The following PTPRG variants were observed in gnomAD, a reference collection of about 807,000 sequenced individuals.
PTPRG encodes receptor-type tyrosine-protein phosphatase gamma.
Under a neutral mutation model 165.3 loss-of-function variants are expected in PTPRG, and 102 were observed. The ratio of observed to expected loss-of-function variants is 0.62; its 90% CI spans 0.53 to 0.73. PTPRG has a LOEUF of 0.73. PTPRG is among the 30% of genes least tolerant of loss of function. The pLI, the probability that PTPRG is intolerant of heterozygous loss-of-function variation, is 0.00. For missense variants in PTPRG, 1,866 were observed against 1,861.4 expected, an observed-to-expected ratio of 1.00 and a Z score of -0.05; for synonymous variants, 675 against 669.5, an observed-to-expected ratio of 1.01 and a Z score of -0.13.
intron 3 of PTPRG, among the ~76,000 whole-genome samples, chr3:62,000,719 G>A (rs1259700572): frequency 6.6e-6 from 1 of 152,184 alleles, no homozygotes; most frequent in Non-Finnish European, 1.5e-5. Flanking sequence ...GTGAGAAAGT[G>A]TTGCTTTAAA....
chr3:62,102,524 G>A (rs1022200485), intron 5 of PTPRG, among the ~76,000 whole-genome samples: 1 of 152,160 alleles, frequency 6.6e-6, no homozygotes, highest in African/African-American at 2.4e-5. Flanking sequence ...GCCCACCTAA[G>A]CCTCCCAAAG....
intron 2 of PTPRG, among the ~76,000 whole-genome samples, chr3:61,856,414 A>G (rs924907789): frequency 5.9e-5 from 9 of 152,210 alleles, no homozygotes; most frequent in Admixed American, 3.9e-4. Context: ...CTAGCATAAG[A>G]ACAAGCCAAA....
chr3:61,900,348 T>C (rs2038466331), intron 2 of PTPRG, among the ~76,000 whole-genome samples: 1 of 152,234 alleles, frequency 6.6e-6, no homozygotes, highest in African/African-American at 2.4e-5. Context: ...ACTTCTACCA[T>C]TGCTGCTGTG....
chr3:62,189,671 T>C (rs1004828347), intron 8 of PTPRG, among the ~76,000 whole-genome samples: 2 of 152,142 alleles, frequency 1.3e-5, no homozygotes, highest in African/African-American at 4.8e-5. Context: ...CAATTGGCCA[T>C]TGCCGCCCCT....
At chr3:62,095,233 C>A (rs115168420) in intron 5 of PTPRG, among the ~76,000 whole-genome samples, 1 of 152,174 alleles carries the variant, frequency 6.6e-6, no homozygotes, top group African/African-American at 2.4e-5. Context: ...GGGACTCTTA[C>A]GCCGTGATGC....
At chr3:62,037,072 A>G (rs537301469) in intron 4 of PTPRG, among the ~76,000 whole-genome samples, 37 of 152,254 alleles carry the variant, frequency 2.4e-4, no homozygotes, top group Middle Eastern at 3.4e-3. Flanking sequence ...CTTTGCTTGC[A>G]TTATCTAATC....
intron 1 of PTPRG, among the ~76,000 whole-genome samples, chr3:61,748,451 C>A (rs1456103672): frequency 6.6e-6 from 1 of 152,186 alleles, no homozygotes; most frequent in Non-Finnish European, 1.5e-5. Flanking sequence ...AGGTTGTAAA[C>A]TTATACATGC....
At chr3:62,283,999 A>G (rs1702547010) in intron 28 of PTPRG, among the ~76,000 whole-genome samples, 1 of 152,130 alleles carries the variant, frequency 6.6e-6, no homozygotes, top group Non-Finnish European at 1.5e-5. Context: ...ACAGCCTCAA[A>G]ATAACTGGGG....
intron 5 of PTPRG, among the ~76,000 whole-genome samples, chr3:62,106,138 G>A (rs895113932): frequency 1.1e-4 from 17 of 152,016 alleles, no homozygotes; most frequent in African/African-American, 4.1e-4. Context: ...TTTATCTATA[G>A]CAAAACTGAA....
chr3:61,956,957 T>C (rs2040047278), intron 2 of PTPRG, among the ~76,000 whole-genome samples: 1 of 152,230 alleles, frequency 6.6e-6, no homozygotes, highest in South Asian at 2.1e-4. Context: ...TCCATTGACT[T>C]GTTTAGGGTA....
intron 13 of PTPRG, among the ~76,000 whole-genome samples, chr3:62,220,684 T>G (rs1056294461): frequency 2.0e-5 from 3 of 152,106 alleles, no homozygotes; most frequent in African/African-American, 7.2e-5. Flanking sequence ...TGTCATCCCT[T>G]CTCCAGGAAA....
intron 5 of PTPRG, among the ~76,000 whole-genome samples, chr3:62,117,188 A>G (rs1702897991): frequency 6.6e-6 from 1 of 152,216 alleles, no homozygotes; most frequent in African/African-American, 2.4e-5. Flanking sequence ...ATTATGTTTA[A>G]GGAGGCAATG....
chr3:61,839,796 A>G (rs2036570530), intron 2 of PTPRG, among the ~76,000 whole-genome samples: 1 of 152,164 alleles, frequency 6.6e-6, no homozygotes, highest in Admixed American at 6.6e-5. Context: ...TTTCTGTACC[A>G]TACCTGCTTC....
intron 2 of PTPRG, among the ~76,000 whole-genome samples, chr3:61,976,483 C>T (rs890538100): frequency 6.6e-6 from 1 of 152,198 alleles, no homozygotes; most frequent in African/African-American, 2.4e-5. Flanking sequence ...GTCTAAATCA[C>T]AGCATCAGCT....
At chr3:61,885,796 G>A (rs1224932319) in intron 2 of PTPRG, among the ~76,000 whole-genome samples, 8 of 143,922 alleles carry the variant, frequency 5.6e-5, no homozygotes, top group Middle Eastern at 3.4e-3. Flanking sequence ...TGCAGTTCCC[G>A]CCTCAGCTTG....
At chr3:61,943,149 C>A in intron 2 of PTPRG, among the ~76,000 whole-genome samples, 1 of 152,226 alleles carries the variant, frequency 6.6e-6, no homozygotes, top group Non-Finnish European at 1.5e-5. Flanking sequence ...AAAATCCTTA[C>A]GTGAAAAACA....
chr3:61,694,025 A>AGAGAGAG (rs1453401813), intron 1 of PTPRG, among the ~76,000 whole-genome samples: 3 of 145,940 alleles, frequency 2.1e-5, no homozygotes, highest in African/African-American at 7.6e-5. Context: ...AAAAAAAAAA[A>AGAGAGAG]AGAGAGAGAG....
At chr3:61,773,833 GGT>G (rs768606371) in intron 2 of PTPRG, among the ~76,000 whole-genome samples, 12 of 151,458 alleles carry the variant, frequency 7.9e-5, no homozygotes, top group Non-Finnish European at 1.3e-4. Flanking sequence ...GGAGTACAGT[GGT>G]GTGATCTTGG....
At chr3:61,837,605 G>A (rs1288736880) in intron 2 of PTPRG, among the ~76,000 whole-genome samples, 1 of 152,148 alleles carries the variant, frequency 6.6e-6, no homozygotes, top group Non-Finnish European at 1.5e-5. Context: ...GTTTTAGCCT[G>A]GATTTTTGTG....
Sources: allele counts gnomAD v4.1 joint callset (sites outside exome capture counted in the v4.1 genomes callset), GRCh38; gene constraint gnomAD v4.1.1; transcripts MANE v1.5; gene names NCBI Gene and HGNC (gene_info 2026-07-23, HGNC 2026-07-21).